Variants in CHRDL2 observed in about 807,000 individuals in gnomAD.
The protein encoded by CHRDL2 is chordin-like protein 2.
A neutral mutation model predicts 54.3 loss-of-function variants in CHRDL2; 41 were observed. That is an observed-to-expected ratio of 0.76 (90% confidence interval 0.59 to 0.98). The LOEUF is 0.98. Among genes scored for constraint, CHRDL2 ranks in the 50% least tolerant of loss-of-function variants. CHRDL2 has a pLI of 0.00. For missense variants in CHRDL2, 518 were observed against 562.4 expected (o/e 0.92, Z 0.80); for synonymous variants, 220 against 224.3 (o/e 0.98, Z 0.17).
intron 1 of CHRDL2, among the ~76,000 whole-genome samples, chr11:74,729,709 C>A (rs760814612): frequency 6.6e-6 from 1 of 152,176 alleles, no homozygotes; most frequent in African/African-American, 2.4e-5. Context: ...GAGTTGGGAA[C>A]GCAGGGTCTT....
chr11:74,703,721 C>A (rs2033913426), intron 7 of CHRDL2, among the ~76,000 whole-genome samples: 1 of 152,268 alleles, frequency 6.6e-6, no homozygotes, highest in Non-Finnish European at 1.5e-5. Context: ...AAGGAACTTA[C>A]TGAAGATGAA....
At chr11:74,709,194 G>A (rs1327709410) in intron 4 of CHRDL2, among the ~76,000 whole-genome samples, 1 of 152,150 alleles carries the variant, frequency 6.6e-6, no homozygotes, top group Non-Finnish European at 1.5e-5. Flanking sequence ...AAGTACCCAG[G>A]GAGAATGAAC....
At chr11:74,718,050 G>A (rs568548570) in intron 2 of CHRDL2, among the ~76,000 whole-genome samples, 1 of 152,258 alleles carries the variant, frequency 6.6e-6, no homozygotes, top group Non-Finnish European at 1.5e-5. Context: ...TGGGGTGGGA[G>A]GAGATGGAAA....
intron 4 of CHRDL2, 106 bp downstream of exon 4, chr11:74,710,743 T>C (rs1643960306): frequency 7.2e-7 from 1 of 1,387,208 alleles, no homozygotes; most frequent in Non-Finnish European, 9.6e-7. Flanking sequence ...CCATTCATTT[T>C]GCTTTGGCCA....
intron 9 of CHRDL2, chr11:74,697,726 C>G: frequency 2.6e-6 from 1 of 387,448 alleles, no homozygotes; most frequent in South Asian, 2.0e-5. Flanking sequence ...CCCACCTGTC[C>G]CCAGTGCAGG....
Position 74,721,005 on chromosome 11 carries a change from C to G in CHRDL2, c.83-2173G>C, listed in dbSNP as rs1250706892. ...GGTCGCTGAGAGTAGGAACACATGG[C>G]TTAGTTCCCTCGCCATTCCCTTCCC... On this transcript the variant is annotated intron_variant, in intron 1 of 10. Transcript: ENST00000376332. Among the ~76,000 whole-genome samples the G allele has an allele frequency of 5.3e-5, 8 of 152,196 alleles. No homozygotes were observed. In the East Asian group the frequency reaches 1.5e-3, roughly 29 times the overall value.
intron 9 of CHRDL2, among the ~76,000 whole-genome samples, chr11:74,700,518 C>T (rs1280790068): frequency 6.6e-6 from 1 of 152,096 alleles, no homozygotes; most frequent in Non-Finnish European, 1.5e-5. Context: ...AGGCTGGGGC[C>T]TATTATGCTC....
intron 2 of CHRDL2, among the ~76,000 whole-genome samples, chr11:74,715,616 A>C (rs2034327640): frequency 6.6e-6 from 1 of 151,498 alleles, no homozygotes; most frequent in Non-Finnish European, 1.5e-5. Context: ...AAAAAAGAAA[A>C]AAGAAAAAGA....
At chr11:74,728,476 A>T (rs1189730499) in intron 1 of CHRDL2, among the ~76,000 whole-genome samples, 1 of 152,174 alleles carries the variant, frequency 6.6e-6, no homozygotes, top group East Asian at 1.9e-4. Flanking sequence ...GTCCCAACTC[A>T]CACAGCCAAT....
chr11:74,703,064 G>A, intron 8 of CHRDL2, 97 bp from the exon 9 acceptor site: 1 of 1,227,024 alleles, frequency 8.1e-7, no homozygotes, highest in Middle Eastern at 2.0e-4. Context: ...ATGGAATCCG[G>A]AACATTACTG....
intron 8 of CHRDL2, 136 bp from the exon 9 acceptor site, chr11:74,703,103 T>A: frequency 9.5e-7 from 1 of 1,053,724 alleles, no homozygotes; most frequent in Non-Finnish European, 1.4e-6. Flanking sequence ...CTGAATCTAT[T>A]ATCCTGACAC....
chr11:74,711,759 G>A (rs1170787779), intron 3 of CHRDL2, among the ~76,000 whole-genome samples: 1 of 151,852 alleles, frequency 6.6e-6, no homozygotes, highest in Admixed American at 6.6e-5. Context: ...AGGATCACTT[G>A]ACTCTAGGAG....
intron 9 of CHRDL2, among the ~76,000 whole-genome samples, chr11:74,702,476 G>A (rs940958368): frequency 6.6e-6 from 1 of 152,118 alleles, no homozygotes; most frequent in Admixed American, 6.5e-5. Context: ...GAAGACCCCC[G>A]CTCCCAGTGC....
intron 3 of CHRDL2, among the ~76,000 whole-genome samples, chr11:74,711,349 C>T (rs1430185397): frequency 6.6e-6 from 1 of 152,226 alleles, no homozygotes; most frequent in East Asian, 1.9e-4. Flanking sequence ...GAGCACTTCT[C>T]AGTGCCAGGC....
rs766221165 is a variant in CHRDL2 at position 74,702,913 on chromosome 11, G to A, written c.1001C>T (p.Ala334Val). Reference protein sequence around the residue: ...SEISSTRCPKAPGRVLVHTSV... With the variant: ...SEISSTRCPKVPGRVLVHTSV... ...TGTGTGGACGAGGACCCGGCCCGGT[G>A]CCTTGGGACACCTGGTAGAACTGAT... The change falls in exon 9 of 11, where the codon GCA becomes GTA. Residue 334 changes from alanine to valine, a missense_variant. Coordinates refer to ENST00000376332, the MANE Select transcript of CHRDL2 (RefSeq NM_001278473.3). 2.5e-6 allele frequency: 4 copies of A among 1,614,156 alleles called. No individual in the cohort carries two copies. The highest frequency in any genetic ancestry group is 1.3e-5 in the African/African-American group (1 of 75,048).
intron 9 of CHRDL2, chr11:74,701,609 G>A: frequency 2.8e-6 from 2 of 717,952 alleles, no homozygotes; most frequent in Non-Finnish European, 5.2e-6. Flanking sequence ...GTGGCCTTGG[G>A]CCAGGTACTT....
intron 7 of CHRDL2, 119 bp downstream of exon 7, chr11:74,704,367 G>A (rs1389714690): frequency 2.1e-6 from 2 of 959,344 alleles, no homozygotes; most frequent in Non-Finnish European, 3.1e-6. Context: ...ACAAGCTCAT[G>A]GCCAAGTTGG....
intron 3 of CHRDL2, 118 bp from the exon 4 acceptor site, chr11:74,711,109 C>T (rs976495332): frequency 8.4e-7 from 1 of 1,187,596 alleles, no homozygotes; most frequent in Non-Finnish European, 1.2e-6. Context: ...GATATTTAAA[C>T]CAAGCTCTGG....
intron 1 of CHRDL2, among the ~76,000 whole-genome samples, chr11:74,723,227 G>A (rs1376140948): frequency 6.6e-6 from 1 of 152,192 alleles, no homozygotes; most frequent in Non-Finnish European, 1.5e-5. Flanking sequence ...GAAGGCAAAG[G>A]AGCCATCAAG....
Sources: gnomAD v4.1 joint callset for allele counts (sites outside exome capture counted in the v4.1 genomes callset) on GRCh38, gnomAD v4.1.1 for gene constraint, MANE v1.5 for transcripts, NCBI Gene and HGNC (gene_info 2026-07-23, HGNC 2026-07-21) for gene names.